The following ATL2 variants were observed in gnomAD, a reference collection of about 807,000 sequenced individuals.
ATL2 encodes the protein atlastin-2.
Under a neutral mutation model 73.9 loss-of-function variants are expected in ATL2, and 31 were observed. The observed-to-expected ratio is 0.42, with a 90% confidence interval of 0.32 to 0.57. ATL2 has a LOEUF of 0.57. Among genes scored for constraint, ATL2 ranks in the 20% least tolerant of loss-of-function variants. ATL2 has a pLI of 0.14. For missense variants in ATL2, 738 were observed against 702.6 expected (o/e 1.05, Z -0.57); for synonymous variants, 291 against 237.5 (o/e 1.23, Z -2.07).
chr2:38,348,233 G>A (rs954887806), intron 1 of ATL2, among the ~76,000 whole-genome samples: 1 of 152,096 alleles, frequency 6.6e-6, no homozygotes, highest in African/African-American at 2.4e-5. Flanking sequence ...TTGGGAGGCT[G>A]AGGAGGGCGG....
chr2:38,377,350 G>A (rs903964899), upstream of ATL2: 5 of 1,159,924 alleles, frequency 4.3e-6, no homozygotes, highest in East Asian at 2.9e-5. Flanking sequence ...TGGCCGGCGG[G>A]TCCTAGCGCC....
At chr2:38,353,823 T>C (rs1670497997) in intron 1 of ATL2, among the ~76,000 whole-genome samples, 1 of 152,224 alleles carries the variant, frequency 6.6e-6, no homozygotes, top group South Asian at 2.1e-4. Context: ...AGAGTGTTTT[T>C]AAAAGAAGTG....
Position 38,349,263 on chromosome 2 carries a change from G to C in ATL2, c.119-5751C>G, listed in dbSNP as rs556139592. 8.1e-4 allele frequency among the ~76,000 whole-genome samples: 123 copies of C among 152,070 alleles called. 3 individuals are homozygous for C. The South Asian group carries it at 0.024, about 29-fold the overall frequency. On this transcript the variant is annotated intron_variant, in intron 1 of 12. Transcript: ENST00000378954. ...GCACTATTCACAATAGCAAAGACTT[G>C]GAACCAACCCAAACGTCCATCAATG...
chr2:38,315,853 C>T (rs1014892613), intron 4 of ATL2, among the ~76,000 whole-genome samples: 1 of 152,138 alleles, frequency 6.6e-6, no homozygotes, highest in Admixed American at 6.5e-5. Flanking sequence ...TTTACTTACT[C>T]ATCAGTTTTC....
At chr2:38,347,393 C>T (rs1023925828) in intron 1 of ATL2, among the ~76,000 whole-genome samples, 3 of 152,138 alleles carry the variant, frequency 2.0e-5, no homozygotes, top group African/African-American at 7.2e-5. Flanking sequence ...ATGCTCTGTC[C>T]CTAGAAATTC....
chr2:38,335,003 T>C (rs1040856978), intron 2 of ATL2, among the ~76,000 whole-genome samples: 1 of 123,362 alleles, frequency 8.1e-6, no homozygotes, highest in Admixed American at 8.7e-5. Context: ...GCAAATAGTT[T>C]ATGAGCAAAT....
At chr2:38,318,725 GTAAT>G in intron 3 of ATL2, 86 bp from the exon 4 acceptor site, 1 of 1,343,962 alleles carries the variant, frequency 7.4e-7, no homozygotes, top group Non-Finnish European at 1.0e-6. Context: ...TTGAAAAGCA[GTAAT>G]TAAATCAAGA....
chr2:38,365,355 C>CAGTTTAAAAAAAG, intron 1 of ATL2, among the ~76,000 whole-genome samples: 1 of 152,066 alleles, frequency 6.6e-6, no homozygotes, highest in South Asian at 2.1e-4. Context: ...GTTACAGCAG[C>CAGTTTAAAAAAAG]AGTTTAAAAA....
chr2:38,318,268 AG>A, intron 4 of ATL2: 1 of 263,340 alleles, frequency 3.8e-6, no homozygotes, highest in Non-Finnish European at 7.1e-6. Context: ...ACCTGAGGTC[AG>A]GAGTTCGAGA....
chr2:38,329,733 A>G (rs1668874329), intron 2 of ATL2, among the ~76,000 whole-genome samples: 1 of 152,196 alleles, frequency 6.6e-6, no homozygotes, highest in Non-Finnish European at 1.5e-5. Context: ...CAATGTACAA[A>G]AAGAATTACA....
intron 1 of ATL2, among the ~76,000 whole-genome samples, chr2:38,360,762 CTTTTG>C (rs1021456871): frequency 3.9e-5 from 6 of 152,046 alleles, no homozygotes; most frequent in Admixed American, 3.3e-4. Context: ...GGAGAACATA[CTTTTG>C]TTATGTGGAC....
At chr2:38,344,789 AAAG>A (rs567049248) in intron 1 of ATL2, among the ~76,000 whole-genome samples, 152 of 152,304 alleles carry the variant, frequency 1.0e-3, no homozygotes, top group Middle Eastern at 3.4e-3. Flanking sequence ...ATGTTTCATT[AAAG>A]AAGAGTCAGT....
In ATL2 at chr2:38,295,977, C is replaced by A. The variant is rs200305207; in HGVS notation, c.*17G>T. 2.0e-6 allele frequency: 3 copies of A among 1,519,748 alleles called. No individual in the cohort carries two copies. Among genetic ancestry groups the A allele is most frequent in the Admixed American group, 2.0e-5 (1 of 49,472 alleles). The allele number at this position is 1,519,748 out of a possible 1,614,324, so 94.1% of individuals were successfully genotyped here. A position where few individuals can be genotyped will look rare whatever the true frequency, so the allele number is the denominator to read the frequency against. Reference sequence around the variant, plus strand: ...CATGAAAAAAAAAGAGAGTGGAGTCCGTGAGGAGATGAACTGTCAGTCTGT... The same window carrying A: ...CATGAAAAAAAAAGAGAGTGGAGTCAGTGAGGAGATGAACTGTCAGTCTGT... On this transcript the variant is annotated 3_prime_UTR_variant, in exon 13 of 13. Transcript: ENST00000378954.
chr2:38,360,561 G>A (rs1670954709), intron 1 of ATL2, among the ~76,000 whole-genome samples: 1 of 152,130 alleles, frequency 6.6e-6, no homozygotes, highest in South Asian at 2.1e-4. Context: ...GGGATTCCAG[G>A]AGTGGGCCAC....
chr2:38,299,376 T>C, intron 10 of ATL2, 49 bp from the exon 11 acceptor site: 2 of 1,488,052 alleles, frequency 1.3e-6, no homozygotes, highest in South Asian at 1.4e-5. Context: ...TCTATGACTC[T>C]AAAAATTCTG....
At chr2:38,307,904 A>G (rs555050014) in intron 9 of ATL2, among the ~76,000 whole-genome samples, 11 of 152,204 alleles carry the variant, frequency 7.2e-5, no homozygotes, top group Admixed American at 1.3e-4. Flanking sequence ...CTACAGAAAG[A>G]TATCATCTTT....
Position 38,337,486 on chromosome 2 carries a change from C to CAAAAAAAAAAAAAAAAAAA in ATL2, c.363+5763_363+5781dup, listed in dbSNP as rs755029194. On this transcript the variant is annotated intron_variant, in intron 2 of 12. Transcript: ENST00000378954. The stretch of plus-strand genomic sequence containing the variant: ...TGGCGACAGAACAAGACTCTGTCTC[C>CAAAAAAAAAAAAAAAAAAA]AAAAAAAAAAAAAAAAAAAAAAAAA... 7.9e-4 allele frequency among the ~76,000 whole-genome samples: 17 copies of CAAAAAAAAAAAAAAAAAAA among 21,656 alleles called. 2 individuals carry two copies. The highest frequency in any genetic ancestry group is 9.4e-4 in the Non-Finnish European group (11 of 11,686). 14.2% of individuals were successfully genotyped at this position (21,656 alleles called of 152,430 possible).
chr2:38,355,979 G>C (rs1281750050), intron 1 of ATL2, among the ~76,000 whole-genome samples: 1 of 151,812 alleles, frequency 6.6e-6, no homozygotes, highest in African/African-American at 2.4e-5. Context: ...TTACAGGCAT[G>C]AGCCACCATG....
At chr2:38,336,010 T>C (rs1260564692) in intron 2 of ATL2, among the ~76,000 whole-genome samples, 1 of 152,210 alleles carries the variant, frequency 6.6e-6, no homozygotes, top group Non-Finnish European at 1.5e-5. Flanking sequence ...AGCGAGACTC[T>C]GTCTCTAAAT....
Sources: gnomAD v4.1 joint callset for allele counts (sites outside exome capture counted in the v4.1 genomes callset) on GRCh38, gnomAD v4.1.1 for gene constraint, MANE v1.5 for transcripts, NCBI Gene and HGNC (gene_info 2026-07-23, HGNC 2026-07-21) for gene names.